EPHA3: variants seen among roughly 807,000 people sequenced by gnomAD.
EPHA3 encodes ephrin type-A receptor 3.
EPHA3 carries 42 observed loss-of-function variants against 107.1 expected under a neutral mutation model. The ratio of observed to expected loss-of-function variants is 0.39; its 90% CI spans 0.31 to 0.51. EPHA3 has a LOEUF of 0.51. EPHA3 is among the 20% of genes least tolerant of loss of function. EPHA3 has a pLI of 0.78. For missense variants in EPHA3, 1,183 were observed against 1,211.2 expected (o/e 0.98, Z 0.35); for synonymous variants, 461 against 424.8 (o/e 1.09, Z -1.05).
At chr3:89,337,423 C>A (rs1707419308) in intron 3 of EPHA3, among the ~76,000 whole-genome samples, 1 of 152,114 alleles carries the variant, frequency 6.6e-6, no homozygotes. Flanking sequence ...AGACTGATAC[C>A]TACACCGATA....
intron 5 of EPHA3, among the ~76,000 whole-genome samples, chr3:89,359,848 CATATCTTTGGATTGT>C (rs1378090896): frequency 1.9e-5 from 2 of 103,336 alleles, no homozygotes; most frequent in African/African-American, 7.8e-5. Flanking sequence ...TATATATATG[CATATCTTTGGATTGT>C]TGCAGTGGCC....
intron 9 of EPHA3, among the ~76,000 whole-genome samples, chr3:89,408,642 C>A (rs1709099883): frequency 6.6e-6 from 1 of 152,092 alleles, no homozygotes; most frequent in Admixed American, 6.6e-5. Context: ...AGAACTTTCT[C>A]TCCACATTTT....
Position 89,208,724 on chromosome 3 carries a change from A to G in EPHA3, c.154-1136A>G, listed in dbSNP as rs566427475. Among the ~76,000 whole-genome samples, 31 of 152,248 alleles carry G rather than the reference A, an allele frequency of 2.0e-4. 1 individual carries two copies. In the South Asian group the frequency reaches 5.8e-3, roughly 28 times the overall value. ...GAGTTTACATTGACAATAATATAAT[A>G]TGTGGAAATATTACTTATCTCGATT... On this transcript the variant is annotated intron_variant, in intron 2 of 16. Coordinates refer to ENST00000336596, the MANE Select transcript of EPHA3 (RefSeq NM_005233.6).
At chr3:89,110,981 G>A (rs763765221) in intron 1 of EPHA3, among the ~76,000 whole-genome samples, 4 of 151,478 alleles carry the variant, frequency 2.6e-5, no homozygotes, top group Non-Finnish European at 5.9e-5. Flanking sequence ...TTCATAAATT[G>A]GATTAACATT....
At chr3:89,327,039 C>A (rs979471519) in intron 3 of EPHA3, among the ~76,000 whole-genome samples, 2 of 151,922 alleles carry the variant, frequency 1.3e-5, no homozygotes, top group African/African-American at 4.8e-5. Flanking sequence ...CTTATATAAG[C>A]CAGTCATTCT....
At chr3:89,113,690 T>C (rs1707177175) in intron 1 of EPHA3, among the ~76,000 whole-genome samples, 1 of 151,968 alleles carries the variant, frequency 6.6e-6, no homozygotes, top group African/African-American at 2.4e-5. Flanking sequence ...GGCTAATCAA[T>C]TTTTATTAAA....
At chr3:89,408,590 G>A (rs1398660570) in intron 9 of EPHA3, among the ~76,000 whole-genome samples, 1 of 151,992 alleles carries the variant, frequency 6.6e-6, no homozygotes, top group Non-Finnish European at 1.5e-5. Flanking sequence ...AAAATAAACT[G>A]TTTATTTTGC....
In EPHA3 at chr3:89,449,362, G is replaced by T; in HGVS notation, c.2484G>T (p.Met828Ile). 1 of 1,589,764 alleles carries T rather than the reference G, an allele frequency of 6.3e-7. No homozygotes were observed. Among genetic ancestry groups the T allele is most frequent in the South Asian group, 1.1e-5 (1 of 87,340 alleles). The change falls in exon 14 of 17, where the codon ATG (methionine) becomes ATT (isoleucine). Residue 828 changes from methionine (M) to isoleucine (I), a missense_variant. Coordinates refer to ENST00000336596, the MANE Select transcript of EPHA3 (RefSeq NM_005233.6). ...MSYGERPYWE[M>I]SNQDVIKAVD... is the part of the protein sequence containing the mutation. ...ATGGAGAGAGACCATACTGGGAGATGTCCAATCAGGATGTAAGTATTTGTG... is the reference window on the plus strand; with the variant it reads ...ATGGAGAGAGACCATACTGGGAGATTTCCAATCAGGATGTAAGTATTTGTG...
intron 2 of EPHA3, among the ~76,000 whole-genome samples, chr3:89,157,870 A>G (rs907633760): frequency 2.6e-5 from 4 of 151,904 alleles, no homozygotes; most frequent in Non-Finnish European, 5.9e-5. Context: ...AAAGAAAAAA[A>G]AAAAGGGAAA....
rs368638218 is a variant in EPHA3 at position 89,295,739 on chromosome 3, C to A, written c.815-45177C>A. Among the ~76,000 whole-genome samples, 36 of 152,116 alleles carry A rather than the reference C, an allele frequency of 2.4e-4. No homozygotes were observed. In the East Asian group the frequency reaches 6.0e-3, roughly 25 times the overall value. On this transcript the variant is annotated intron_variant, in intron 3 of 16. Coordinates refer to ENST00000336596, the MANE Select transcript of EPHA3 (RefSeq NM_005233.6). The stretch of plus-strand genomic sequence containing the variant: ...TCAAGTAGCTGGGATTGTAGGCATG[C>A]ACCACCACACCCGGCTAATTTTTGT...
At chr3:89,460,823 C>CTCTTTTTTTTT (rs1199238290) in intron 15 of EPHA3, among the ~76,000 whole-genome samples, 93 of 102,806 alleles carry the variant, frequency 9.0e-4, no homozygotes, top group African/African-American at 1.6e-3. Context: ...CTCTGTCTCT[C>CTCTTTTTTTTT]TTTTTTTTTT....
chr3:89,411,305 A>G (rs528905957), intron 9 of EPHA3, among the ~76,000 whole-genome samples: 1 of 151,880 alleles, frequency 6.6e-6, no homozygotes, highest in African/African-American at 2.4e-5. Context: ...GTATTTCCCC[A>G]TTTCTGTGGA....
rs1436801576 is a variant in EPHA3 at position 89,210,267 on chromosome 3, T to C, written c.561T>C (p.Gly187=). The C allele has an allele frequency of 1.2e-6, 2 of 1,614,008 alleles. No individual in the cohort carries two copies. Residue 187 remains glycine, a synonymous_variant, in exon 3 of 17, where the codon GGT becomes GGC. Transcript: ENST00000336596. ...TTTATTTGGCATTTCAAGATGTTGGTGCTTGTGTTGCCTTGGTGTCTGTGA... is the reference window on the plus strand; with the variant it reads ...TTTATTTGGCATTTCAAGATGTTGGCGCTTGTGTTGCCTTGGTGTCTGTGA... ...KGFYLAFQDV[G]ACVALVSVRV...
At chr3:89,439,643 A>G (rs1376131705) in intron 13 of EPHA3, among the ~76,000 whole-genome samples, 2 of 151,970 alleles carry the variant, frequency 1.3e-5, no homozygotes, top group Non-Finnish European at 2.9e-5. Context: ...TAAAAACTGG[A>G]GATTGAATAT....
At chr3:89,238,007 C>T (rs1208387810) in intron 3 of EPHA3, among the ~76,000 whole-genome samples, 1 of 150,596 alleles carries the variant, frequency 6.6e-6, no homozygotes, top group Non-Finnish European at 1.5e-5. Flanking sequence ...GAGGATATGA[C>T]TTTTACACTT....
chr3:89,221,894 A>G (rs1704384783), intron 3 of EPHA3, among the ~76,000 whole-genome samples: 1 of 152,138 alleles, frequency 6.6e-6, no homozygotes, highest in South Asian at 2.1e-4. Flanking sequence ...ATGGTTGGAG[A>G]AATTGGTTAT....
chr3:89,169,986 C>A (rs984778550), intron 2 of EPHA3, among the ~76,000 whole-genome samples: 1 of 152,070 alleles, frequency 6.6e-6, no homozygotes, highest in Non-Finnish European at 1.5e-5. Context: ...CGGTGACTCA[C>A]GCCTGTAATC....
intron 5 of EPHA3, among the ~76,000 whole-genome samples, chr3:89,395,216 T>A (rs1708823283): frequency 6.6e-6 from 1 of 152,218 alleles, no homozygotes; most frequent in East Asian, 1.9e-4. Flanking sequence ...CATTAAGTAT[T>A]TTTTTAAGAA....
intron 2 of EPHA3, among the ~76,000 whole-genome samples, chr3:89,205,099 C>T (rs1706067786): frequency 6.6e-6 from 1 of 152,144 alleles, no homozygotes; most frequent in African/African-American, 2.4e-5. Context: ...TAAATCATGA[C>T]TATCTTGCAA....
Sources: allele counts gnomAD v4.1 joint callset (sites outside exome capture counted in the v4.1 genomes callset), GRCh38; gene constraint gnomAD v4.1.1; transcripts MANE v1.5; gene names NCBI Gene and HGNC (gene_info 2026-07-23, HGNC 2026-07-21).